Variants in CXADR observed in about 807,000 individuals in gnomAD.
CXADR encodes CXADR cell adhesion molecule, also known as coxsackievirus and adenovirus receptor.
Under a neutral mutation model 40.3 loss-of-function variants are expected in CXADR, and 20 were observed. The ratio of observed to expected loss-of-function variants is 0.50; its 90% CI spans 0.35 to 0.72. CXADR has a LOEUF of 0.72. Ranked by LOEUF, CXADR falls within the 30% of genes least tolerant of loss-of-function variation. The pLI is 0.01. For missense variants in CXADR, 332 were observed against 449.1 expected (o/e 0.74, Z 2.36); for synonymous variants, 150 against 161.3 (o/e 0.93, Z 0.53).
intron 7 of CXADR, among the ~76,000 whole-genome samples, chr21:17,585,303 T>C (rs1427097213): frequency 6.6e-6 from 1 of 152,114 alleles, no homozygotes; most frequent in African/African-American, 2.4e-5. Flanking sequence ...AGCACATACA[T>C]ATGAGTACCA....
Position 17,569,628 on chromosome 21 carries a change from A to G in CXADR, c.*3936A>G, listed in dbSNP as rs181294580. 1.0e-4 allele frequency: 98 copies of G among 983,696 alleles called. 1 individual carries two copies. The African/African-American group carries it at 1.7e-3, about 17-fold the overall frequency. 60.9% of individuals were successfully genotyped at this position (983,696 alleles called of 1,614,324 possible). On this transcript the variant is annotated 3_prime_UTR_variant, in exon 7 of 7. Coordinates refer to ENST00000284878, the MANE Select transcript of CXADR (RefSeq NM_001338.5). ...ATTGTGGTTCAGTTTATTTATCTTT[A>G]GGGAAGGCTGATCATTTATCTTATA...
the CXADR span, among the ~76,000 whole-genome samples, chr21:17,630,110 G>A: frequency 6.6e-6 from 1 of 151,848 alleles, no homozygotes; most frequent in African/African-American, 2.4e-5. Flanking sequence ...AAATATATTG[G>A]GCTCTTTCTT....
At chr21:17,590,796 T>C (rs568584170) in intron 7 of CXADR, among the ~76,000 whole-genome samples, 4 of 152,212 alleles carry the variant, frequency 2.6e-5, no homozygotes, top group South Asian at 4.1e-4. Context: ...CTACTCATTA[T>C]GTGTGATCTT....
chr21:17,558,950 A>C, intron 3 of CXADR, 26 bp from the exon 4 acceptor site: 1 of 1,590,896 alleles, frequency 6.3e-7, no homozygotes, highest in Non-Finnish European at 8.6e-7. Flanking sequence ...CTCTTATGTA[A>C]ATTTATAATT....
At chr21:17,516,967 A>G (rs1449280754) in intron 1 of CXADR, among the ~76,000 whole-genome samples, 3 of 152,204 alleles carry the variant, frequency 2.0e-5, no homozygotes, top group Non-Finnish European at 4.4e-5. Context: ...AAAACAGAAA[A>G]ATACCAAATT....
chr21:17,540,403 G>A (rs183514104), intron 1 of CXADR, among the ~76,000 whole-genome samples: 11 of 152,088 alleles, frequency 7.2e-5, no homozygotes, highest in Non-Finnish European at 1.5e-4. Flanking sequence ...AATTTCATTC[G>A]ATGATTGTAT....
the CXADR span, among the ~76,000 whole-genome samples, chr21:17,600,451 CTCGTCT>C: frequency 6.6e-6 from 1 of 152,212 alleles, no homozygotes; most frequent in Non-Finnish European, 1.5e-5. Flanking sequence ...CAAGATAGCA[CTCGTCT>C]CAAATTATTT....
intron 1 of CXADR, among the ~76,000 whole-genome samples, chr21:17,527,637 A>G (rs2060613364): frequency 6.6e-6 from 1 of 152,144 alleles, no homozygotes; most frequent in Non-Finnish European, 1.5e-5. Flanking sequence ...ATCATAGCAG[A>G]TATGCTATCT....
At chr21:17,630,544 T>G in the CXADR span, among the ~76,000 whole-genome samples, 1 of 152,166 alleles carries the variant, frequency 6.6e-6, no homozygotes, top group Non-Finnish European at 1.5e-5. Flanking sequence ...GTCTAAAATA[T>G]TTCTGTATAC....
At position 17,547,133 on chromosome 21, in the gene CXADR, G is replaced by T. The variant is rs2060908202; in HGVS notation, c.150G>T (p.Gln50His). The T allele has an allele frequency of 1.9e-6, 3 of 1,614,048 alleles. No homozygotes were observed. The Admixed American group carries it at 5.0e-5, about 27-fold the overall frequency. ...AATTTACGCTTAGTCCCGAAGACCA[G>T]GGACCGCTGGACATCGAGTGGCTGA... The part of the protein sequence containing the change: ...PCKFTLSPED[Q>H]GPLDIEWLIS... Residue 50 changes from glutamine to histidine, a missense_variant, in exon 2 of 7, where the codon CAG becomes CAT. Around this residue, in one of 3 missense-constraint regions of CXADR, gnomAD observed 162 missense variants for 198.5 expected, o/e 0.82. Transcript: ENST00000284878.
chr21:17,526,220 G>C (rs2060596748), intron 1 of CXADR, among the ~76,000 whole-genome samples: 1 of 152,188 alleles, frequency 6.6e-6, no homozygotes, highest in Admixed American at 6.5e-5. Flanking sequence ...CATGGGGGCA[G>C]TGTGCCATCA....
At chr21:17,549,730 A>G (rs752454612) in intron 2 of CXADR, among the ~76,000 whole-genome samples, 2 of 152,208 alleles carry the variant, frequency 1.3e-5, no homozygotes, top group Non-Finnish European at 2.9e-5. Flanking sequence ...TTATTTCTCA[A>G]GCCCCCCTTA....
chr21:17,592,046 T>C (rs1409511862), intron 7 of CXADR, among the ~76,000 whole-genome samples: 1 of 151,980 alleles, frequency 6.6e-6, no homozygotes, highest in Non-Finnish European at 1.5e-5. Flanking sequence ...AGTAATAACA[T>C]CTACCTGTAT....
downstream of CXADR, among the ~76,000 whole-genome samples, chr21:17,572,274 A>AG (rs61065955): frequency 1 from 151,241 of 151,248 alleles, 75,617 homozygotes; most frequent in Non-Finnish European, 1. Context: ...GGGAGGCTGA[A>AG]TGGGATGATT....
chr21:17,532,017 C>A (rs1483651059), intron 1 of CXADR, among the ~76,000 whole-genome samples: 2 of 151,428 alleles, frequency 1.3e-5, no homozygotes, highest in Non-Finnish European at 2.9e-5. Context: ...TCACAACTCA[C>A]TGCAGCCTCG....
chr21:17,587,779 G>C (rs1338450987), intron 7 of CXADR, among the ~76,000 whole-genome samples: 1 of 152,068 alleles, frequency 6.6e-6, no homozygotes, highest in African/African-American at 2.4e-5. Flanking sequence ...TGTTGCCATT[G>C]CTTTTGGTGT....
At chr21:17,610,959 G>A in the CXADR span, among the ~76,000 whole-genome samples, 1 of 152,060 alleles carries the variant, frequency 6.6e-6, no homozygotes, top group South Asian at 2.1e-4. Context: ...GCTGGCAGCC[G>A]CAGATAGCCT....
At chr21:17,617,726 T>C in the CXADR span, among the ~76,000 whole-genome samples, 1 of 152,242 alleles carries the variant, frequency 6.6e-6, no homozygotes, top group Non-Finnish European at 1.5e-5. Flanking sequence ...CTAATCTCTC[T>C]GCTGGTTGAG....
chr21:17,558,114 C>T (rs1176696866), intron 3 of CXADR, among the ~76,000 whole-genome samples: 1 of 151,086 alleles, frequency 6.6e-6, no homozygotes, highest in Non-Finnish European at 1.5e-5. Context: ...TTCTTTTTTA[C>T]ACATGAATTT....
Sources: gnomAD v4.1 joint callset for allele counts (sites outside exome capture counted in the v4.1 genomes callset) on GRCh38, gnomAD v4.1.1 for gene constraint, gnomAD v4.1.1 regional missense constraint, MANE v1.5 for transcripts, NCBI Gene and HGNC (gene_info 2026-07-23, HGNC 2026-07-21) for gene names.